The following TIMELESS variants were observed in gnomAD, a reference collection of about 807,000 sequenced individuals.
TIMELESS encodes the protein protein timeless homolog.
In TIMELESS, 124 loss-of-function variants were observed where a neutral mutation model predicts 164.3. The ratio of observed to expected loss-of-function variants is 0.75; its 90% CI spans 0.65 to 0.88. The LOEUF (loss-of-function observed/expected upper bound fraction) is 0.88, where lower values mean the gene tolerates loss of function less well. Ranked by LOEUF, TIMELESS falls within the 40% of genes least tolerant of loss-of-function variation. The probability of loss-of-function intolerance (pLI) is 0.00; values close to 1 mark genes in which losing one functional copy is unlikely to be tolerated. For synonymous variants in TIMELESS, 564 were observed against 563.4 expected (o/e 1.00, Z -0.02); for missense variants, 1,422 against 1,491.4 (o/e 0.95, Z 0.77).
chr12:56,423,391 A>C lies in TIMELESS; in HGVS notation c.2175T>G (p.Ile725Met). The C allele has an allele frequency of 6.2e-7, 1 of 1,614,090 alleles. No individual in the cohort carries two copies. Among genetic ancestry groups the C allele is most frequent in the Non-Finnish European group, 8.5e-7 (1 of 1,180,018 alleles). Residue 725 changes from isoleucine to methionine, a missense_variant, in exon 18 of 29, where the codon ATT becomes ATG. Physicochemically the swap from Ile to Met is conservative, Grantham distance 10. Coordinates refer to ENST00000553532, the MANE Select transcript of TIMELESS (RefSeq NM_003920.5). Reference protein sequence around the residue: ...QQNSAHTNHCIVKMLHRLAHD... With the variant: ...QQNSAHTNHCMVKMLHRLAHD... ...GGGCCAGCCGGTGCAGCATCTTCAC[A>C]ATGCAATGGTTAGTGTGGGCACTAT...
Position 56,433,030 on chromosome 12 carries a change from T to C in TIMELESS, c.527A>G (p.Glu176Gly). Reference sequence around the variant, plus strand: ...CAGAACACCCAAGACCCTCACCTTCTCCTGATCAAGGTCAGCTGGGACATG... The same window carrying C: ...CAGAACACCCAAGACCCTCACCTTCCCCTGATCAAGGTCAGCTGGGACATG... ...ILHVPADLDQ[E>G]KKIDDDASAH... Residue 176 changes from glutamate to glycine, a missense_variant, in exon 6 of 29, where the codon GAG (glutamate) becomes GGG (glycine). Glu to Gly is a moderately conservative substitution (Grantham distance 98, BLOSUM62 -2). Transcript: ENST00000553532. 1 of 1,600,202 alleles carries C rather than the reference T, an allele frequency of 6.2e-7. No homozygotes were observed. Among genetic ancestry groups the C allele is most frequent in the African/African-American group, 1.4e-5 (1 of 73,688 alleles).
chr12:56,419,627 C>A (rs1592242585), intron 26 of TIMELESS, among the ~76,000 whole-genome samples: 1 of 151,848 alleles, frequency 6.6e-6, no homozygotes, highest in African/African-American at 2.4e-5. Flanking sequence ...CAAAGGTTGG[C>A]CAAGGATGGG....
In TIMELESS at chr12:56,434,249, G is replaced by T; in HGVS notation, c.-61-18C>A. On this transcript the variant is annotated intron_variant, in intron 1 of 28. Transcript: ENST00000553532. ...GATGAGGCCTGGAGAAATAGAGAAA[G>T]ATAAAAAATGTAAGTTCCTCTCCAT... The T allele has an allele frequency of 8.4e-7, 1 of 1,185,492 alleles. No homozygotes were observed. The highest frequency in any genetic ancestry group is 1.3e-6 in the Non-Finnish European group (1 of 798,702). 73.4% of individuals were successfully genotyped at this position (1,185,492 alleles called of 1,614,324 possible).
chr12:56,429,044 G>GA lies in TIMELESS; in HGVS notation c.1142_1143insT (p.Ala383GlyfsTer19), dbSNP rs574953787. The GA allele has an allele frequency of 1.0e-4, 165 of 1,613,932 alleles. No homozygotes were observed. Among genetic ancestry groups the GA allele is most frequent in the Non-Finnish European group, 1.3e-4 (159 of 1,180,036 alleles). ...GGTTGAAGGCCATGAAGAAAGCCAA[G>GA]GCCCACATATAATAGGTCTCATCAT... On this transcript the variant is annotated frameshift_variant, in exon 11 of 29. Coordinates refer to ENST00000553532, the MANE Select transcript of TIMELESS (RefSeq NM_003920.5). LOFTEE classifies it high-confidence loss of function.
intron 12 of TIMELESS, 39 bp downstream of exon 12, chr12:56,428,510 T>C (rs1481432975): frequency 3.1e-6 from 5 of 1,610,288 alleles, no homozygotes; most frequent in Non-Finnish European, 4.2e-6. Context: ...CATCACGAGA[T>C]GGGACAGGCT....
At chr12:56,423,935 C>G in intron 15 of TIMELESS, 41 bp from the exon 16 acceptor site, 1 of 1,558,326 alleles carries the variant, frequency 6.4e-7, no homozygotes, top group Non-Finnish European at 8.8e-7. Flanking sequence ...CAGGGGAAAT[C>G]TGGCTTTAAA....
rs750469031 is a variant in TIMELESS at position 56,431,453 on chromosome 12, T to C, written c.821+18A>G. 1.6e-5 allele frequency: 25 copies of C among 1,596,298 alleles called. No individual in the cohort carries two copies. Among genetic ancestry groups the C allele is most frequent in the Non-Finnish European group, 2.0e-5 (24 of 1,173,876 alleles). ...ATTCCATGATGTAGGAAAAAGAACC[T>C]GCCTCTCTGTCACTCACCTGTTGCC... On this transcript the variant is annotated intron_variant, in intron 8 of 28. Transcript: ENST00000553532.
chr12:56,422,996 T>C lies in TIMELESS; in HGVS notation c.2293-4A>G, dbSNP rs1881546868. ...ATTTGGCAAAAGTCACTAGCTCCTG[T>C]AGGAGAAGGAGGTTACTATGAGGCC... is the stretch of plus-strand genomic sequence containing the variant. On this transcript the variant is annotated splice_region_variant and splice_polypyrimidine_tract_variant and intron_variant, in intron 18 of 28. Transcript: ENST00000553532. 5 of 1,612,718 alleles carry C rather than the reference T, an allele frequency of 3.1e-6. No homozygotes were observed. Among genetic ancestry groups the C allele is most frequent in the South Asian group, 2.2e-5 (2 of 90,836 alleles).
Position 56,420,969 on chromosome 12 carries a change from G to A in TIMELESS, c.3034C>T (p.Gln1012Ter). 6.2e-7 allele frequency: 1 copy of A among 1,614,136 alleles called. No homozygotes were observed. Residue 1012 changes from glutamine to a stop codon, truncating the protein, a stop_gained, in exon 24 of 29, where the codon CAG (glutamine) becomes TAG (stop). Coordinates refer to ENST00000553532, the MANE Select transcript of TIMELESS (RefSeq NM_003920.5). LOFTEE classifies it high-confidence loss of function. The part of the protein sequence containing the change: ...SNENLGQSLH[Q>*]EGFSIPLLWL... ...TCCCAGCCAAAGTCCTCACCTTCCT[G>A]ATGCAGGCTTTGACCAAGGTTTTCA...
intron 7 of TIMELESS, 48 bp downstream of exon 7, chr12:56,432,321 G>A (rs2136144170): frequency 6.4e-7 from 1 of 1,573,168 alleles, no homozygotes; most frequent in Non-Finnish European, 8.7e-7. Context: ...CTGTACAGCA[G>A]AAAAGTACAT....
At chr12:56,419,623 T>A (rs942045583) in intron 26 of TIMELESS, among the ~76,000 whole-genome samples, 2 of 151,792 alleles carry the variant, frequency 1.3e-5, no homozygotes, top group South Asian at 4.1e-4. Context: ...GCTGCAAAGG[T>A]TGGCCAAGGA....
chr12:56,421,830 G>A (rs758126747), intron 21 of TIMELESS, 21 bp from the exon 22 acceptor site: 5 of 1,613,622 alleles, frequency 3.1e-6, no homozygotes, highest in Non-Finnish European at 4.2e-6. Flanking sequence ...AGGTGTCAGT[G>A]GAAGAGGAAG....
At chr12:56,444,353 C>T (rs17118647) in intron 1 of TIMELESS, among the ~76,000 whole-genome samples, 2 of 152,198 alleles carry the variant, frequency 1.3e-5, no homozygotes, top group Non-Finnish European at 2.9e-5. Flanking sequence ...GGTTATCAGA[C>T]ATGAACTCTC....
rs1881287083 is a variant in TIMELESS, at chr12:56,417,117, C to T, written c.*599G>A. 6.5e-6 allele frequency: 1 copy of T among 152,992 alleles called. No individual in the cohort carries two copies. Among genetic ancestry groups the T allele is most frequent in the South Asian group, 2.0e-4 (1 of 4,880 alleles). 9.5% of individuals were successfully genotyped at this position (152,992 alleles called of 1,614,324 possible). On this transcript the variant is annotated 3_prime_UTR_variant, in exon 29 of 29. Transcript: ENST00000553532. ...AACTTAGACATATCGCCAAGTCAGA[C>T]TGAGATGAGAACTTCTAATCTTACA... is the stretch of plus-strand genomic sequence containing the variant.
At chr12:56,443,506 C>A (rs960371636) in intron 1 of TIMELESS, among the ~76,000 whole-genome samples, 2 of 152,104 alleles carry the variant, frequency 1.3e-5, no homozygotes, top group African/African-American at 4.8e-5. Context: ...GGGACATGGA[C>A]CCTCATCAGT....
At chr12:56,420,509 G>T in intron 26 of TIMELESS, 60 bp downstream of exon 26, 1 of 1,328,816 alleles carries the variant, frequency 7.5e-7, no homozygotes, top group Non-Finnish European at 1.1e-6. Context: ...GGAGGAGGAG[G>T]AGATGTATTT....
chr12:56,419,670 C>A (rs549415083), intron 26 of TIMELESS, among the ~76,000 whole-genome samples: 1 of 151,882 alleles, frequency 6.6e-6, no homozygotes, highest in Non-Finnish European at 1.5e-5. Context: ...TTCTGTCCTG[C>A]AAGCAGTAAG....
At chr12:56,433,483 A>G in intron 4 of TIMELESS, 40 bp from the exon 5 acceptor site, 2 of 1,613,980 alleles carry the variant, frequency 1.2e-6, no homozygotes, top group Non-Finnish European at 1.7e-6. Context: ...GCAGTCATCC[A>G]CTTCTTCACC....
intron 11 of TIMELESS, 110 bp downstream of exon 11, chr12:56,428,773 C>A: frequency 6.8e-7 from 1 of 1,479,650 alleles, no homozygotes; most frequent in Non-Finnish European, 9.3e-7. Context: ...CCAGCCAGTC[C>A]TTGCTCCCCA....
Sources: allele counts gnomAD v4.1 joint callset (sites outside exome capture counted in the v4.1 genomes callset), GRCh38; gene constraint gnomAD v4.1.1; transcripts MANE v1.5; gene names NCBI Gene and HGNC (gene_info 2026-07-23, HGNC 2026-07-21).